PPP2R1B: variants seen among roughly 807,000 people sequenced by gnomAD.
The protein encoded by PPP2R1B is protein phosphatase 2 scaffold subunit Abeta, also known as serine/threonine-protein phosphatase 2A 65 kDa regulatory subunit A beta isoform.
In PPP2R1B, 58 loss-of-function variants were observed where a neutral mutation model predicts 72.7. The ratio of observed to expected loss-of-function variants is 0.80; its 90% CI spans 0.65 to 0.99. The LOEUF is 0.99. Ranked by LOEUF, PPP2R1B falls within the 50% of genes least tolerant of loss-of-function variation. The pLI is 0.00. For missense variants in PPP2R1B, 695 were observed against 733.6 expected (o/e 0.95, Z 0.61); for synonymous variants, 256 against 264.6 (o/e 0.97, Z 0.32).
chr11:111,762,918 T>C (rs976521189), intron 3 of PPP2R1B, among the ~76,000 whole-genome samples: 2 of 152,190 alleles, frequency 1.3e-5, no homozygotes, highest in Admixed American at 6.5e-5. Context: ...TTATTATTGG[T>C]ATATTCTAGC....
the PPP2R1B span, chr11:111,720,837 C>T: frequency 6.3e-7 from 1 of 1,589,068 alleles, no homozygotes; most frequent in East Asian, 2.2e-5. Context: ...GTGTGGTCAC[C>T]TGTGGTCACT....
chr11:111,755,590 CTTTT>C (rs1167247279), intron 5 of PPP2R1B, 140 bp from the exon 6 acceptor site: 2,287 of 447,382 alleles, frequency 5.1e-3, no homozygotes, highest in South Asian at 9.5e-3. Flanking sequence ...ACATCTTTTT[CTTTT>C]TTTTTTTTTT....
chr11:111,765,025 C>T (rs1945470061), intron 2 of PPP2R1B, 120 bp from the exon 3 acceptor site: 5 of 1,459,174 alleles, frequency 3.4e-6, no homozygotes, highest in African/African-American at 1.4e-5. Context: ...AAAATCCTAA[C>T]AGCATTTTCT....
chr11:111,737,403 G>A (rs375714561), downstream of PPP2R1B: 48 of 1,613,278 alleles, frequency 3.0e-5, no homozygotes, highest in Non-Finnish European at 3.6e-5. Context: ...CTGGCTGCCC[G>A]CAGCCCTGAG....
downstream of PPP2R1B, among the ~76,000 whole-genome samples, chr11:111,735,577 T>G (rs1565421796): frequency 6.6e-6 from 1 of 152,100 alleles, no homozygotes; most frequent in Admixed American, 6.5e-5. Flanking sequence ...ACATGTGACA[T>G]CCAACACAGA....
chr11:111,708,712 T>C, the PPP2R1B span, among the ~76,000 whole-genome samples: 2 of 152,046 alleles, frequency 1.3e-5, no homozygotes, highest in Non-Finnish European at 2.9e-5. Flanking sequence ...GCTTCCCAAG[T>C]AGCTGGGACC....
At chr11:111,765,498 C>A in intron 1 of PPP2R1B, 114 bp from the exon 2 acceptor site, 1 of 841,910 alleles carries the variant, frequency 1.2e-6, no homozygotes, top group Non-Finnish European at 1.9e-6. Context: ...ATGAAGATAA[C>A]CTTTCATTTA....
chr11:111,750,011 TGAAGAGAA>T (rs1555047396), intron 10 of PPP2R1B, among the ~76,000 whole-genome samples: 3 of 152,144 alleles, frequency 2.0e-5, no homozygotes, highest in Non-Finnish European at 4.4e-5. Flanking sequence ...CAATCACCAG[TGAAGAGAA>T]GATGACCCAT....
rs752781514 is a variant in PPP2R1B at position 111,738,830 on chromosome 11, C to T, written c.*2766G>A. 68 of 984,244 alleles carry T rather than the reference C, an allele frequency of 6.9e-5. No individual in the cohort carries two copies. The highest frequency in any genetic ancestry group is 8.1e-5 in the Non-Finnish European group (67 of 829,868). The allele number at this position is 984,244 out of a possible 1,614,324, so 61.0% of individuals were successfully genotyped here. A position where few individuals can be genotyped will look rare whatever the true frequency, so the allele number is the denominator to read the frequency against. On this transcript the variant is annotated 3_prime_UTR_variant, in exon 15 of 15. Coordinates refer to ENST00000527614, the MANE Select transcript of PPP2R1B (RefSeq NM_002716.5). ...CCACACAAATTACAGAGAGAAACACCAAGGTGAATTCCACTGTTGCTGAGA... is the reference window on the plus strand; with the variant it reads ...CCACACAAATTACAGAGAGAAACACTAAGGTGAATTCCACTGTTGCTGAGA...
the PPP2R1B span, chr11:111,720,454 T>C: frequency 3.8e-6 from 6 of 1,572,366 alleles, no homozygotes; most frequent in South Asian, 6.1e-5. Context: ...CTGTTGGTTT[T>C]ATCTGTTCTG....
rs782634412 is a variant in PPP2R1B, at chr11:111,764,856, C to T, written c.255G>A (p.Leu85=). ...CTCCCACTAGGCCAGTGAAATTTCCCAGCTGCTCAGCAAGAGCTAATAGTA... is the reference window on the plus strand; with the variant it reads ...CTCCCACTAGGCCAGTGAAATTTCCTAGCTGCTCAGCAAGAGCTAATAGTA... ...DEVLLALAEQ[L]GNFTGLVGGP... Residue 85 remains leucine (L), a synonymous_variant, in exon 3 of 15, where the codon CTG becomes CTA. Transcript: ENST00000527614. 135 of 1,613,984 alleles carry T rather than the reference C, an allele frequency of 8.4e-5. No individual in the cohort carries two copies. Among genetic ancestry groups the T allele is most frequent in the Non-Finnish European group, 1.1e-4 (128 of 1,180,028 alleles).
At chr11:111,734,853 C>T (rs1565420543), downstream of PPP2R1B, among the ~76,000 whole-genome samples, 1 of 152,214 alleles carries the variant, frequency 6.6e-6, no homozygotes, top group Non-Finnish European at 1.5e-5. Context: ...CCCTGCCAGC[C>T]TAACTCTGTG....
chr11:111,756,033 C>A (rs1445429923), intron 5 of PPP2R1B, among the ~76,000 whole-genome samples: 1 of 151,514 alleles, frequency 6.6e-6, no homozygotes, highest in Non-Finnish European at 1.5e-5. Flanking sequence ...ACGGTGAAAC[C>A]CCATCTCTAC....
the PPP2R1B span, chr11:111,719,884 A>G: frequency 4.3e-6 from 7 of 1,614,026 alleles, no homozygotes; most frequent in African/African-American, 8.0e-5. Flanking sequence ...CTGGAGACAG[A>G]AGGAGAGGCC....
At chr11:111,764,654 A>T in intron 3 of PPP2R1B, 151 bp downstream of exon 3, 1 of 726,246 alleles carries the variant, frequency 1.4e-6, no homozygotes, top group South Asian at 1.9e-5. Context: ...CAAAGTGCCT[A>T]CAGTACTTAT....
At chr11:111,717,007 A>C in the PPP2R1B span, among the ~76,000 whole-genome samples, 8 of 152,258 alleles carry the variant, frequency 5.3e-5, no homozygotes, top group African/African-American at 1.9e-4. Context: ...TACAGCCAAC[A>C]AACATATGAA....
chr11:111,752,362 ATTT>A, intron 9 of PPP2R1B, 30 bp from the exon 10 acceptor site: 1 of 1,573,948 alleles, frequency 6.4e-7, no homozygotes, highest in Non-Finnish European at 8.6e-7. Context: ...AAAAGACCAC[ATTT>A]AAAAATCAAG....
At chr11:111,712,921 T>G in the PPP2R1B span, among the ~76,000 whole-genome samples, 3 of 152,160 alleles carry the variant, frequency 2.0e-5, no homozygotes, top group Non-Finnish European at 4.4e-5. Context: ...TCCCAGCACT[T>G]TGGGAGGCCG....
chr11:111,739,445 A>C lies in PPP2R1B; in HGVS notation c.*2151T>G. ...GAGTACCAAAACAAATTCTCTCTCT[A>C]TTGCTTAAGTCAGAAGGAAACAATG... is the stretch of plus-strand genomic sequence containing the variant. On this transcript the variant is annotated 3_prime_UTR_variant, in exon 15 of 15. Coordinates refer to ENST00000527614, the MANE Select transcript of PPP2R1B (RefSeq NM_002716.5). The C allele has an allele frequency of 1.0e-6, 1 of 985,396 alleles. No homozygotes were observed. The allele number at this position is 985,396 out of a possible 1,614,324, so 61.0% of individuals were successfully genotyped here.
Sources: allele counts gnomAD v4.1 joint callset (sites outside exome capture counted in the v4.1 genomes callset), GRCh38; gene constraint gnomAD v4.1.1; transcripts MANE v1.5; gene names NCBI Gene and HGNC (gene_info 2026-07-23, HGNC 2026-07-21).